The following HS3ST4 variants were observed in gnomAD, a reference collection of about 807,000 sequenced individuals.
HS3ST4 encodes heparan sulfate glucosamine 3-O-sulfotransferase 4.
HS3ST4 carries 17 observed loss-of-function variants against 29.2 expected under a neutral mutation model. The observed-to-expected ratio is 0.58, with a 90% confidence interval of 0.40 to 0.87. HS3ST4 has a LOEUF of 0.87. Ranked by LOEUF, HS3ST4 falls within the 40% of genes least tolerant of loss-of-function variation. The pLI is 0.00. For missense variants in HS3ST4, 627 were observed against 634.5 expected, an observed-to-expected ratio of 0.99 and a Z score of 0.13; for synonymous variants, 314 against 285.7, an observed-to-expected ratio of 1.10 and a Z score of -1.00.
chr16:25,715,095 G>A (rs2141586649), intron 1 of HS3ST4, among the ~76,000 whole-genome samples: 1 of 152,180 alleles, frequency 6.6e-6, no homozygotes, highest in South Asian at 2.1e-4. Context: ...GGCCGAGGCG[G>A]GTGGATCACG....
chr16:25,748,321 C>T (rs1436456234), intron 1 of HS3ST4, among the ~76,000 whole-genome samples: 1 of 152,068 alleles, frequency 6.6e-6, no homozygotes, highest in Non-Finnish European at 1.5e-5. Flanking sequence ...TTTTCAATAC[C>T]ATTTCTTTAC....
At position 25,742,615 on chromosome 16, in the gene HS3ST4, A is replaced by C. The variant is rs145807567; in HGVS notation, c.734+49464A>C. The stretch of plus-strand genomic sequence containing the variant: ...AATAGATTCTGGGCAAGTGAAAGCA[A>C]CAGAGGTCTCTGACTCTTCTGGATC... On this transcript the variant is annotated intron_variant, in intron 1 of 1. Coordinates refer to ENST00000331351, the MANE Select transcript of HS3ST4 (RefSeq NM_006040.3). 6.0e-3 allele frequency among the ~76,000 whole-genome samples: 907 copies of C among 152,294 alleles called. 7 individuals carry two copies. Among genetic ancestry groups the C allele is most frequent in the Non-Finnish European group, 9.2e-3 (628 of 68,024 alleles).
intron 1 of HS3ST4, among the ~76,000 whole-genome samples, chr16:25,777,722 C>T (rs536460445): frequency 3.3e-5 from 5 of 152,150 alleles, no homozygotes; most frequent in South Asian, 2.1e-4. Context: ...GAGCTGAGAT[C>T]GCGCCACTGC....
rs145177047 is a variant in HS3ST4, at chr16:25,864,381, A to T, written c.734+171230A>T. Among the ~76,000 whole-genome samples, 264 of 132,276 alleles carry T rather than the reference A, an allele frequency of 2.0e-3. 2 individuals are homozygous for T. Among genetic ancestry groups the T allele is most frequent in the African/African-American group, 7.4e-3 (246 of 33,192 alleles). 86.8% of individuals were successfully genotyped at this position (132,276 alleles called of 152,430 possible). On this transcript the variant is annotated intron_variant, in intron 1 of 1. Transcript: ENST00000331351. ...AGCATCATTATTATTAGGTTGGTGC[A>T]AAAGTAATTGTGTTTTTTTTTGCCA...
chr16:26,120,287 T>C (rs1379415681), intron 1 of HS3ST4, among the ~76,000 whole-genome samples: 1 of 152,186 alleles, frequency 6.6e-6, no homozygotes, highest in East Asian at 1.9e-4. Context: ...TAGTATTTCA[T>C]GCACCCCAAG....
At chr16:25,945,440 G>A (rs954824212) in intron 1 of HS3ST4, among the ~76,000 whole-genome samples, 4 of 151,886 alleles carry the variant, frequency 2.6e-5, no homozygotes, top group Non-Finnish European at 4.4e-5. Context: ...CATGATGAAC[G>A]CACTGTAGTG....
chr16:25,858,331 A>T (rs143273194), intron 1 of HS3ST4, among the ~76,000 whole-genome samples: 32 of 152,316 alleles, frequency 2.1e-4, no homozygotes, highest in African/African-American at 7.5e-4. Context: ...CAGAATACAC[A>T]TGCATGTACT....
At chr16:25,827,913 G>T (rs1008703458) in intron 1 of HS3ST4, among the ~76,000 whole-genome samples, 1 of 152,142 alleles carries the variant, frequency 6.6e-6, no homozygotes, top group African/African-American at 2.4e-5. Context: ...CAGAGCTCGT[G>T]TTGAAACCAA....
chr16:25,994,931 G>T (rs1767490420), intron 1 of HS3ST4, among the ~76,000 whole-genome samples: 1 of 152,118 alleles, frequency 6.6e-6, no homozygotes, highest in Non-Finnish European at 1.5e-5. Flanking sequence ...CAATTTCCCT[G>T]AATACCATGT....
At chr16:26,062,351 A>C (rs117787621) in intron 1 of HS3ST4, among the ~76,000 whole-genome samples, 1 of 152,174 alleles carries the variant, frequency 6.6e-6, no homozygotes, top group African/African-American at 2.4e-5. Context: ...AACTTTGTCA[A>C]CAGTGCTTGG....
chr16:25,695,812 CTG>C (rs1178000630), intron 1 of HS3ST4, among the ~76,000 whole-genome samples: 1 of 152,154 alleles, frequency 6.6e-6, no homozygotes. Flanking sequence ...AATTTTTCCA[CTG>C]TTTATTTATT....
At chr16:25,826,903 A>T (rs927866796) in intron 1 of HS3ST4, among the ~76,000 whole-genome samples, 1 of 152,120 alleles carries the variant, frequency 6.6e-6, no homozygotes, top group Non-Finnish European at 1.5e-5. Context: ...GACAGTGATG[A>T]TCCTCAGTAT....
intron 1 of HS3ST4, among the ~76,000 whole-genome samples, chr16:25,910,234 G>A (rs1003985783): frequency 3.9e-5 from 6 of 152,148 alleles, no homozygotes; most frequent in Admixed American, 6.5e-5. Flanking sequence ...GCAGCTCTCC[G>A]TAAAGGGCCA....
At chr16:25,769,621 G>A (rs775365754) in intron 1 of HS3ST4, among the ~76,000 whole-genome samples, 35 of 152,178 alleles carry the variant, frequency 2.3e-4, no homozygotes, top group African/African-American at 4.6e-4. Context: ...CCCTTCCTAC[G>A]GAAAGGATTT....
chr16:25,834,397 A>G (rs935329199), intron 1 of HS3ST4, among the ~76,000 whole-genome samples: 13 of 152,222 alleles, frequency 8.5e-5, no homozygotes, highest in African/African-American at 3.1e-4. Context: ...TTGAGGTGCA[A>G]AAAGAATGAT....
At chr16:25,944,954 C>G (rs997711908) in intron 1 of HS3ST4, among the ~76,000 whole-genome samples, 1 of 152,074 alleles carries the variant, frequency 6.6e-6, no homozygotes, top group South Asian at 2.1e-4. Flanking sequence ...TTGAACAACT[C>G]GACTTTAAAA....
intron 1 of HS3ST4, among the ~76,000 whole-genome samples, chr16:25,743,969 A>G (rs948275667): frequency 6.6e-6 from 1 of 152,164 alleles, no homozygotes; most frequent in African/African-American, 2.4e-5. Flanking sequence ...TCCAGTTTAA[A>G]TAGCCTAGAT....
intron 1 of HS3ST4, among the ~76,000 whole-genome samples, chr16:25,802,154 G>T (rs1474736465): frequency 6.6e-5 from 10 of 152,006 alleles, no homozygotes; most frequent in Admixed American, 5.9e-4. Flanking sequence ...TTTAGAAGCT[G>T]ATGAGTGCTG....
chr16:25,756,016 A>T (rs1017528890), intron 1 of HS3ST4, among the ~76,000 whole-genome samples: 18 of 152,210 alleles, frequency 1.2e-4, no homozygotes, highest in African/African-American at 4.1e-4. Context: ...GAGAAACTAC[A>T]TTTTTTTGTG....
Sources: allele counts gnomAD v4.1 joint callset (sites outside exome capture counted in the v4.1 genomes callset), GRCh38; gene constraint gnomAD v4.1.1; transcripts MANE v1.5; gene names NCBI Gene and HGNC (gene_info 2026-07-23, HGNC 2026-07-21).